RBM47: variants seen among roughly 807,000 people sequenced by gnomAD.
The protein encoded by RBM47 is RNA binding motif protein 47.
RBM47 carries 21 observed loss-of-function variants against 47.1 expected under a neutral mutation model. The ratio of observed to expected loss-of-function variants is 0.45; its 90% CI spans 0.32 to 0.64. The LOEUF is 0.64. Ranked by LOEUF, RBM47 falls within the 30% of genes least tolerant of loss-of-function variation. The pLI is 0.05. For synonymous variants in RBM47, 375 were observed against 361.7 expected, an observed-to-expected ratio of 1.04 and a Z score of -0.42; for missense variants, 708 against 870.9, an observed-to-expected ratio of 0.81 and a Z score of 2.35.
In RBM47 at chr4:40,567,007, T is replaced by C. The variant is rs182253158; in HGVS notation, c.-239-22501A>G. 4.3e-4 allele frequency among the ~76,000 whole-genome samples: 66 copies of C among 152,058 alleles called. 1 individual carries two copies. The East Asian group carries it at 0.01, about 24-fold the overall frequency. ...TTTCTCTATCCTTGTTCCTGTGCCCTGGGCTTGCTCTGAAGATGGTGTGAG... is the reference window on the plus strand; with the variant it reads ...TTTCTCTATCCTTGTTCCTGTGCCCCGGGCTTGCTCTGAAGATGGTGTGAG... On this transcript the variant is annotated intron_variant, in intron 1 of 6. Coordinates refer to ENST00000295971, the MANE Select transcript of RBM47 (RefSeq NM_001098634.2).
chr4:40,560,881 A>C (rs1487804787), intron 1 of RBM47, among the ~76,000 whole-genome samples: 1 of 151,596 alleles, frequency 6.6e-6, no homozygotes, highest in Non-Finnish European at 1.5e-5. Flanking sequence ...CAGGAGAATC[A>C]CTTGCACACA....
At chr4:40,467,350 C>T (rs112884336) in intron 2 of RBM47, among the ~76,000 whole-genome samples, 15,833 of 150,324 alleles carry the variant, frequency 0.11, 936 homozygotes, top group Middle Eastern at 0.15. Flanking sequence ...AGTGCAGTTG[C>T]GTAGTCTCGG....
intron 2 of RBM47, among the ~76,000 whole-genome samples, chr4:40,506,611 T>C (rs554216742): frequency 6.0e-4 from 92 of 152,336 alleles, no homozygotes; most frequent in Non-Finnish European, 1.0e-3. Flanking sequence ...GAGGTCAACC[T>C]TGTGGCAATG....
Position 40,591,593 on chromosome 4 carries a change from C to G in RBM47, c.-240+37803G>C, listed in dbSNP as rs572277591. On this transcript the variant is annotated intron_variant, in intron 1 of 6. Transcript: ENST00000295971. The stretch of plus-strand genomic sequence containing the variant: ...CTTGCAATCCCAGCTACTCGGGAGG[C>G]TGGGGCAGGAGAATTGCTTGAACCC... Among the ~76,000 whole-genome samples, 7 of 152,150 alleles carry G rather than the reference C, an allele frequency of 4.6e-5. No individual in the cohort carries two copies. The South Asian group carries it at 1.5e-3, about 32-fold the overall frequency.
intron 2 of RBM47, among the ~76,000 whole-genome samples, chr4:40,473,676 G>A (rs929639744): frequency 6.6e-6 from 1 of 152,146 alleles, no homozygotes; most frequent in Non-Finnish European, 1.5e-5. Context: ...CTGGTGTTCT[G>A]ACTTGTTTCC....
At position 40,424,459 on chromosome 4, in the gene RBM47, C is replaced by T. The variant is rs1225838958; in HGVS notation, c.*1445G>A. 2 of 152,556 alleles carry T rather than the reference C, an allele frequency of 1.3e-5. No individual in the cohort carries two copies. The highest frequency in any genetic ancestry group is 1.3e-4 in the Admixed American group (2 of 15,290). The allele number at this position is 152,556 out of a possible 1,614,324, so 9.5% of individuals were successfully genotyped here. On this transcript the variant is annotated 3_prime_UTR_variant, in exon 7 of 7. Coordinates refer to ENST00000295971, the MANE Select transcript of RBM47 (RefSeq NM_001098634.2). ...ACAATACATTAACTTCCTAATAAAA[C>T]AAACCTTTTTAATAACATTGAAATA...
chr4:40,517,637 G>A (rs1725735573), intron 2 of RBM47, among the ~76,000 whole-genome samples: 1 of 152,132 alleles, frequency 6.6e-6, no homozygotes, highest in African/African-American at 2.4e-5. Context: ...CATCCCTGAA[G>A]TCAACCAACC....
At chr4:40,434,002 G>GGGTGTATGTGT (rs1213913858) in intron 5 of RBM47, among the ~76,000 whole-genome samples, 1 of 45,626 alleles carries the variant, frequency 2.2e-5, no homozygotes, top group African/African-American at 5.2e-5. Context: ...GTGGGGCGGG[G>GGGTGTATGTGT]GTGTGTGTGT....
chr4:40,483,474 C>T lies in RBM47; in HGVS notation c.-154-16775G>A, dbSNP rs151084701. On this transcript the variant is annotated intron_variant, in intron 2 of 6. Coordinates refer to ENST00000295971, the MANE Select transcript of RBM47 (RefSeq NM_001098634.2). Reference sequence around the variant, plus strand: ...CACCCAGGAGAGGACTTCAAGTTCTCCTTGGCTGATTGGAGGATTCTGAGC... The same window carrying T: ...CACCCAGGAGAGGACTTCAAGTTCTTCTTGGCTGATTGGAGGATTCTGAGC... 6.8e-3 allele frequency among the ~76,000 whole-genome samples: 1,038 copies of T among 152,304 alleles called. 12 individuals carry two copies. Among genetic ancestry groups the T allele is most frequent in the African/African-American group, 0.024 (1,006 of 41,556 alleles).
chr4:40,425,710 T>C lies in RBM47; in HGVS notation c.*194A>G, dbSNP rs139310463. The C allele has an allele frequency of 7.3e-4, 553 of 759,234 alleles. 5 individuals carry two copies. In the East Asian group the frequency reaches 0.013, roughly 18 times the overall value. 47.0% of individuals were successfully genotyped at this position (759,234 alleles called of 1,614,324 possible). ...CAAGTCTTTTGGAAATGTATGAACG[T>C]AGGCATGCTAAGTTGAAAATAGTCT... On this transcript the variant is annotated 3_prime_UTR_variant, in exon 7 of 7. Transcript: ENST00000295971.
rs182024820 is a variant in RBM47, at chr4:40,485,870, G to A, written c.-154-19171C>T. On this transcript the variant is annotated intron_variant, in intron 2 of 6. Transcript: ENST00000295971. ...AGTCCAGGAGTTTGAGACCAGCCTG[G>A]GCAACATGGCAAAAGGCCATCTGTG... Among the ~76,000 whole-genome samples, 644 of 150,942 alleles carry A rather than the reference G, an allele frequency of 4.3e-3. 2 individuals carry two copies. Among genetic ancestry groups the A allele is most frequent in the Non-Finnish European group, 7.4e-3 (500 of 67,766 alleles).
intron 1 of RBM47, among the ~76,000 whole-genome samples, chr4:40,622,798 C>T (rs1737384578): frequency 6.6e-6 from 1 of 152,214 alleles, no homozygotes; most frequent in African/African-American, 2.4e-5. Flanking sequence ...AGGAGAATCA[C>T]TGGAGCCTGG....
intron 4 of RBM47, 78 bp from the exon 5 acceptor site, chr4:40,436,725 G>T: frequency 7.4e-7 from 1 of 1,359,004 alleles, no homozygotes; most frequent in Non-Finnish European, 1.0e-6. Flanking sequence ...TCGGTTCTCG[G>T]CATTTAACTG....
At chr4:40,486,448 TTGTC>T (rs929226227) in intron 2 of RBM47, among the ~76,000 whole-genome samples, 1 of 152,182 alleles carries the variant, frequency 6.6e-6, no homozygotes, top group Non-Finnish European at 1.5e-5. Flanking sequence ...AAATCAAACT[TTGTC>T]TGATTAAAAT....
chr4:40,485,006 TGTTTTC>T (rs534880964), intron 2 of RBM47, among the ~76,000 whole-genome samples: 153 of 151,110 alleles, frequency 1.0e-3, no homozygotes, highest in African/African-American at 3.3e-3. Flanking sequence ...TTTTTTTGTT[TGTTTTC>T]TTTTTCTTTT....
intron 3 of RBM47, among the ~76,000 whole-genome samples, chr4:40,464,813 C>T (rs1717731071): frequency 7.1e-6 from 1 of 140,658 alleles, no homozygotes; most frequent in Admixed American, 7.7e-5. Flanking sequence ...ATGGCGTGAA[C>T]CCGGGAGGCA....
intron 2 of RBM47, among the ~76,000 whole-genome samples, chr4:40,525,283 C>T (rs553573822): frequency 2.1e-4 from 32 of 152,180 alleles, no homozygotes; most frequent in Admixed American, 3.3e-4. Flanking sequence ...ACTAAAAATA[C>T]GAAAATTAGC....
At chr4:40,539,739 C>CAAAAAAAAAAAAAAAAAA (rs56005602) in intron 2 of RBM47, among the ~76,000 whole-genome samples, 2 of 56,292 alleles carry the variant, frequency 3.6e-5, no homozygotes, top group African/African-American at 1.4e-4. Flanking sequence ...GACTCTGTCT[C>CAAAAAAAAAAAAAAAAAA]AAAAAAAAAA....
At position 40,423,434 on chromosome 4, in the gene RBM47, ATT is replaced by A. The variant is rs1306621089; in HGVS notation, c.*2468_*2469del. On this transcript the variant is annotated 3_prime_UTR_variant, in exon 7 of 7. Transcript: ENST00000295971. ...CAGAACTCTAAAACTTTTTTTTTAC[ATT>A]TATATAGTTTGTTCTTAACACTAAA... 2.0e-5 allele frequency: 3 copies of A among 151,638 alleles called. No individual in the cohort carries two copies. The highest frequency in any genetic ancestry group is 1.3e-4 in the Admixed American group (2 of 15,224). The allele number at this position is 151,638 out of a possible 1,614,324, so 9.4% of individuals were successfully genotyped here. A position where few individuals can be genotyped will look rare whatever the true frequency, so the allele number is the denominator to read the frequency against.
Sources: gnomAD v4.1 joint callset for allele counts (sites outside exome capture counted in the v4.1 genomes callset) on GRCh38, gnomAD v4.1.1 for gene constraint, MANE v1.5 for transcripts, NCBI Gene and HGNC (gene_info 2026-07-23, HGNC 2026-07-21) for gene names.